The following RNPC3 variants were observed in gnomAD, a reference collection of about 807,000 sequenced individuals.
RNPC3 encodes the protein RNA binding region (RNP1, RRM) containing 3.
In RNPC3, 48 loss-of-function variants were observed where a neutral mutation model predicts 67.5. The observed-to-expected ratio is 0.71, with a 90% CI of 0.56 to 0.90. The LOEUF is 0.90. Ranked by LOEUF, RNPC3 falls within the 40% of genes least tolerant of loss-of-function variation. The pLI, the probability that RNPC3 is intolerant of heterozygous loss-of-function variation, is 0.00. For missense variants in RNPC3, 637 were observed against 626.1 expected, an observed-to-expected ratio of 1.02 and a Z score of -0.19; for synonymous variants, 239 against 210.3, an observed-to-expected ratio of 1.14 and a Z score of -1.18.
At chr1:103,528,516 G>C (rs1354993812) in intron 2 of RNPC3, among the ~76,000 whole-genome samples, 1 of 152,092 alleles carries the variant, frequency 6.6e-6, no homozygotes, top group African/African-American at 2.4e-5. Flanking sequence ...TTATAATATA[G>C]GGGTTGAGAG....
chr1:103,534,942 T>C (rs1650945031), intron 4 of RNPC3, 85 bp downstream of exon 4: 1 of 698,124 alleles, frequency 1.4e-6, no homozygotes, highest in African/African-American at 1.8e-5. Context: ...TTGCTTATTA[T>C]ATATTGTAAT....
intron 12 of RNPC3, among the ~76,000 whole-genome samples, chr1:103,549,933 C>CG (rs371551935): frequency 0.012 from 1,786 of 151,840 alleles, 9 homozygotes; most frequent in Non-Finnish European, 0.016. Context: ...GAGGCCGAAG[C>CG]GGGGGGGATC....
chr1:103,531,555 G>A lies in RNPC3; in HGVS notation c.241-2184G>A, dbSNP rs544721322. ...ATGACCATTATTGCAGGAGTAAGGA[G>A]GTATTGCCTCATGATTTTGGTTTGC... On this transcript the variant is annotated intron_variant, in intron 2 of 14. Transcript: ENST00000423855. 2.2e-3 allele frequency among the ~76,000 whole-genome samples: 333 copies of A among 152,224 alleles called. 2 individuals carry two copies. The highest frequency in any genetic ancestry group is 7.7e-3 in the African/African-American group (321 of 41,554).
intron 7 of RNPC3, among the ~76,000 whole-genome samples, chr1:103,538,109 T>C (rs569789315): frequency 6.6e-6 from 1 of 152,222 alleles, no homozygotes; most frequent in South Asian, 2.1e-4. Context: ...CCTCCCAAAG[T>C]GCTGGGATTA....
At chr1:103,537,287 T>C in intron 6 of RNPC3, 55 bp from the exon 7 acceptor site, 2 of 1,256,224 alleles carry the variant, frequency 1.6e-6, no homozygotes, top group Non-Finnish European at 2.2e-6. Context: ...AGATGGAGTT[T>C]GTTCTATAAA....
At chr1:103,544,622 G>A (rs1265964863) in intron 9 of RNPC3, among the ~76,000 whole-genome samples, 1 of 151,808 alleles carries the variant, frequency 6.6e-6, no homozygotes, top group African/African-American at 2.4e-5. Flanking sequence ...ACTGTGACTA[G>A]TTTTAATTCC....
At chr1:103,551,103 T>C in intron 13 of RNPC3, 30 bp downstream of exon 13, 2 of 1,530,228 alleles carry the variant, frequency 1.3e-6, no homozygotes, top group Non-Finnish European at 1.8e-6. Context: ...ATTTCAAAAC[T>C]ATATAATTTT....
intron 1 of RNPC3, among the ~76,000 whole-genome samples, chr1:103,526,806 G>A (rs984837218): frequency 2.0e-5 from 3 of 152,158 alleles, no homozygotes; most frequent in Admixed American, 1.3e-4. Flanking sequence ...AAGAGTACCT[G>A]TGTAGGAATT....
rs1650753718 is a variant in RNPC3, at chr1:103,527,743, G to A, written c.240+1G>A. 1 of 1,544,702 alleles carries A rather than the reference G, an allele frequency of 6.5e-7. No homozygotes were observed. Among genetic ancestry groups the A allele is most frequent in the Non-Finnish European group, 8.8e-7 (1 of 1,141,492 alleles). ...CCCTAATGAAAAAGCAGCTATAAAG[G>A]TATGACTTTTTCTTGACGATTAAAG... On this transcript the variant is annotated splice_donor_variant, in intron 2 of 14. Coordinates refer to ENST00000423855, the MANE Select transcript of RNPC3 (RefSeq NM_017619.4). LOFTEE classifies it high-confidence loss of function.
At chr1:103,554,530 C>G (rs1208131146) in intron 14 of RNPC3, 2 of 152,566 alleles carry the variant, frequency 1.3e-5, no homozygotes, top group African/African-American at 4.8e-5. Flanking sequence ...TTCCTGTACT[C>G]TACCCTAGAA....
chr1:103,553,991 T>G (rs1470052725), intron 14 of RNPC3: 1 of 152,226 alleles, frequency 6.6e-6, no homozygotes, highest in African/African-American at 2.4e-5. Context: ...TCCAGACTGG[T>G]TGATGACCGT....
intron 2 of RNPC3, among the ~76,000 whole-genome samples, chr1:103,531,919 A>G (rs1650868159): frequency 6.6e-6 from 1 of 152,126 alleles, no homozygotes; most frequent in Admixed American, 6.5e-5. Flanking sequence ...AATGTCTAGA[A>G]GGGTTTTTCT....
chr1:103,548,096 C>G (rs893316332), intron 12 of RNPC3, among the ~76,000 whole-genome samples: 86 of 152,242 alleles, frequency 5.6e-4, no homozygotes, highest in Non-Finnish European at 1.1e-3. Context: ...GGACCCTGGG[C>G]CCGGCCCACA....
At chr1:103,529,371 T>C (rs1227303752) in intron 2 of RNPC3, among the ~76,000 whole-genome samples, 2 of 152,098 alleles carry the variant, frequency 1.3e-5, no homozygotes, top group Non-Finnish European at 2.9e-5. Context: ...GGAGAGGACA[T>C]GGAGCCAGTC....
intron 8 of RNPC3, among the ~76,000 whole-genome samples, chr1:103,542,863 T>G (rs1312755741): frequency 6.6e-6 from 1 of 151,826 alleles, no homozygotes; most frequent in Non-Finnish European, 1.5e-5. Context: ...ATTATCAATA[T>G]TTCATCTGTT....
At chr1:103,536,963 C>T (rs968124158) in intron 6 of RNPC3, among the ~76,000 whole-genome samples, 1 of 152,044 alleles carries the variant, frequency 6.6e-6, no homozygotes, top group Non-Finnish European at 1.5e-5. Context: ...TACTGAGCCA[C>T]GAAAAACACC....
chr1:103,538,689 C>T (rs533479535), intron 7 of RNPC3, among the ~76,000 whole-genome samples: 1 of 152,200 alleles, frequency 6.6e-6, no homozygotes, highest in Admixed American at 6.5e-5. Context: ...TAACATACAT[C>T]GACCATGTTC....
At chr1:103,527,854 A>G in intron 2 of RNPC3, 112 bp downstream of exon 2, 1 of 712,774 alleles carries the variant, frequency 1.4e-6, no homozygotes, top group East Asian at 2.8e-5. Flanking sequence ...GTATTCCAAC[A>G]GTTTCCCCAA....
At chr1:103,551,109 AT>A in intron 13 of RNPC3, 36 bp downstream of exon 13, 3 of 1,510,832 alleles carry the variant, frequency 2.0e-6, no homozygotes, top group Non-Finnish European at 2.7e-6. Context: ...AAACTATATA[AT>A]TTTTAGAAGG....
Sources: allele counts gnomAD v4.1 joint callset (sites outside exome capture counted in the v4.1 genomes callset), GRCh38; gene constraint gnomAD v4.1.1; transcripts MANE v1.5; gene names NCBI Gene and HGNC (gene_info 2026-07-23, HGNC 2026-07-21).